Variants in MYH6 observed in about 807,000 individuals in gnomAD.
MYH6 encodes the protein myosin heavy chain 6, also known as myosin-6.
A neutral mutation model predicts 223.2 loss-of-function variants in MYH6; 126 were observed. The ratio of observed to expected loss-of-function variants is 0.56; its 90% CI spans 0.49 to 0.65. MYH6 has a LOEUF of 0.65. Among genes scored for constraint, MYH6 ranks in the 30% least tolerant of loss-of-function variants. MYH6 has a pLI of 0.00. For synonymous variants in MYH6, 978 were observed against 1,010.2 expected, an observed-to-expected ratio of 0.97 and a Z score of 0.61; for missense variants, 2,040 against 2,536.4, an observed-to-expected ratio of 0.80 and a Z score of 4.20.
Position 23,384,591 on chromosome 14 carries a change from C to T in MYH6, c.5416G>A (p.Ala1806Thr), listed in dbSNP as rs772439467. Residue 1806 changes from alanine to threonine, a missense_variant, in exon 36 of 39, where the codon GCC becomes ACC. Physicochemically the swap from Ala to Thr is moderately conservative, Grantham distance 58. Transcript: ENST00000405093. ...AGCTGCTTCTTGCCTCCCTTGAGGGCGATCTGCTCGGCCTCGTCCAGCCGG... is the reference window on the plus strand; with the variant it reads ...AGCTGCTTCTTGCCTCCCTTGAGGGTGATCTGCTCGGCCTCGTCCAGCCGG... ...QHRLDEAEQIALKGGKKQLQK... is the reference protein window; with the variant it reads ...QHRLDEAEQITLKGGKKQLQK... The T allele has an allele frequency of 1.9e-5, 30 of 1,613,638 alleles. 1 individual carries two copies. The highest frequency in any genetic ancestry group is 1.3e-4 in the African/African-American group (10 of 74,934).
chr14:23,385,868 C>T, intron 34 of MYH6, 60 bp downstream of exon 34: 1 of 1,612,738 alleles, frequency 6.2e-7, no homozygotes, highest in Non-Finnish European at 8.5e-7. Context: ...TCTGGCTTTT[C>T]TAGATGTCCT....
Position 23,392,849 on chromosome 14 carries a change from C to T in MYH6, c.3251+63G>A. On this transcript the variant is annotated intron_variant, in intron 24 of 38. Transcript: ENST00000405093. ...CTGTGGCCAGTGGAGGCGCAGCACCCTGCACTCTATCTACCAGGCCAGACA... is the reference window on the plus strand; with the variant it reads ...CTGTGGCCAGTGGAGGCGCAGCACCTTGCACTCTATCTACCAGGCCAGACA... The T allele has an allele frequency of 5.6e-6, 9 of 1,605,496 alleles. No individual in the cohort carries two copies. The Admixed American group carries it at 1.0e-4, about 18-fold the overall frequency.
At chr14:23,393,633 A>G in intron 22 of MYH6, 33 bp downstream of exon 22, 1 of 1,614,088 alleles carries the variant, frequency 6.2e-7, no homozygotes, top group South Asian at 1.1e-5. Context: ...TCTTGAGGAG[A>G]CCTGGGCTGA....
intron 27 of MYH6, 33 bp downstream of exon 27, chr14:23,389,560 G>A: frequency 6.2e-7 from 1 of 1,614,236 alleles, no homozygotes; most frequent in Non-Finnish European, 8.5e-7. Context: ...GTCATGTCCT[G>A]CCCTAGGCAG....
Position 23,407,599 on chromosome 14 carries a change from C to G in MYH6, c.-37G>C, listed in dbSNP as rs1438159439. The stretch of plus-strand genomic sequence containing the variant: ...ACCTGGTTATCCCTTCACGGAGAAT[C>G]CTGAAGAATCTGGACCGTGGGTGGA... On this transcript the variant is annotated 5_prime_UTR_variant, in exon 2 of 39. Transcript: ENST00000405093. This position sits in a 1 kb window ranked among gnomAD's most constrained non-coding sequence, Gnocchi z 5.6. 2 of 1,167,662 alleles carry G rather than the reference C, an allele frequency of 1.7e-6. No homozygotes were observed. Among genetic ancestry groups the G allele is most frequent in the African/African-American group, 1.6e-5 (1 of 62,684 alleles). The allele number at this position is 1,167,662 out of a possible 1,614,324, so 72.3% of individuals were successfully genotyped here.
At chr14:23,391,601 G>A (rs1313419374) in intron 25 of MYH6, among the ~76,000 whole-genome samples, 1 of 152,240 alleles carries the variant, frequency 6.6e-6, no homozygotes, top group Non-Finnish European at 1.5e-5. Context: ...CTCAAGTGCA[G>A]AGGGGAGACT....
rs559302150 is a variant in MYH6, at chr14:23,407,496, A to G, written c.-14+80T>C. 2 of 1,322,456 alleles carry G rather than the reference A, an allele frequency of 1.5e-6. No individual in the cohort carries two copies. The highest frequency in any genetic ancestry group is 1.5e-5 in the African/African-American group (1 of 67,394). 81.9% of individuals were successfully genotyped at this position (1,322,456 alleles called of 1,614,324 possible). A position where few individuals can be genotyped will look rare whatever the true frequency, so the allele number is the denominator to read the frequency against. On this transcript the variant is annotated intron_variant, in intron 2 of 38. Transcript: ENST00000405093. This position sits in a 1 kb window ranked among gnomAD's most constrained non-coding sequence, Gnocchi z 5.6. ...AGGGTTGGCGCTGAGTGCTTGGGAC[A>G]GCAGACCCCTGGTCCAGCAATCCGG... is the stretch of plus-strand genomic sequence containing the variant.
intron 24 of MYH6, 61 bp from the exon 25 acceptor site, chr14:23,392,713 T>C (rs1891271174): frequency 6.7e-7 from 1 of 1,483,126 alleles, no homozygotes; most frequent in Non-Finnish European, 9.4e-7. Flanking sequence ...TGGGGCTCAT[T>C]CTCTTCTTGG....
At chr14:23,388,593 C>T (rs1891118036) in intron 29 of MYH6, 1 of 853,866 alleles carries the variant, frequency 1.2e-6, no homozygotes, top group Admixed American at 1.7e-5. Flanking sequence ...ACGGTAGCTC[C>T]TCTGACCAAC....
intron 10 of MYH6, 98 bp downstream of exon 10, chr14:23,403,250 G>T: frequency 1.0e-6 from 1 of 999,890 alleles, no homozygotes; most frequent in Non-Finnish European, 1.6e-6. Flanking sequence ...CAGCAAGGTG[G>T]GGCACAGTGG....
chr14:23,395,702 A>AT (rs1291002538), intron 20 of MYH6, among the ~76,000 whole-genome samples: 3 of 151,736 alleles, frequency 2.0e-5, no homozygotes, highest in Non-Finnish European at 2.9e-5. Context: ...AATTTTTTGT[A>AT]TTTTTTTAGT....
At chr14:23,401,683 G>C (rs912656220) in intron 12 of MYH6, among the ~76,000 whole-genome samples, 8 of 152,212 alleles carry the variant, frequency 5.3e-5, no homozygotes, top group African/African-American at 1.9e-4. Context: ...CTCTACCCCA[G>C]TGTCTAGCCC....
In MYH6 at chr14:23,403,453, T is replaced by C; in HGVS notation, c.800-7A>G. The stretch of plus-strand genomic sequence containing the variant: ...CGGGACTTCTCCAGCAGGTCTGAGG[T>C]GGGTGGAGGGGAGGAAGGCAGGTGA... On this transcript the variant is annotated splice_polypyrimidine_tract_variant and splice_region_variant and intron_variant, in intron 9 of 38. Transcript: ENST00000405093. 6.2e-7 allele frequency: 1 copy of C among 1,610,396 alleles called. No individual in the cohort carries two copies. The highest frequency in any genetic ancestry group is 8.5e-7 in the Non-Finnish European group (1 of 1,177,778).
At position 23,397,611 on chromosome 14, in the gene MYH6, C is replaced by T. The variant is rs367607444; in HGVS notation, c.1894G>A (p.Asp632Asn). The T allele has an allele frequency of 3.7e-6, 6 of 1,613,990 alleles. No homozygotes were observed. Among genetic ancestry groups the T allele is most frequent in the South Asian group, 3.3e-5 (3 of 91,088 alleles). ...FSSYATADTGDSGKSKGGKKK... is the reference protein window; with the variant it reads ...FSSYATADTGNSGKSKGGKKK... ...TTGCCTCCTTTGCTTTTACCACTGT[C>T]CCCTAAACAGCGAGAGGAGAAATAA... The change falls in exon 16 of 39, where the codon GAC becomes AAC. Residue 632 changes from aspartate to asparagine, a missense_variant and splice_region_variant. By Grantham distance (23) the Asp-to-Asn change is conservative. Around this residue, in one of 4 missense-constraint regions of MYH6, gnomAD observed 649 missense variants for 877.3 expected, o/e 0.74. Coordinates refer to ENST00000405093, the MANE Select transcript of MYH6 (RefSeq NM_002471.4).
chr14:23,398,024 C>CTTCTTCTTT (rs1233804043), intron 15 of MYH6, among the ~76,000 whole-genome samples: 1 of 99,716 alleles, frequency 1.0e-5, no homozygotes, highest in African/African-American at 3.7e-5. Context: ...TCTTCTTCTT[C>CTTCTTCTTT]CTTCTATTTT....
intron 24 of MYH6, 35 bp downstream of exon 24, chr14:23,392,877 T>A (rs1306662138): frequency 6.2e-7 from 1 of 1,611,354 alleles, no homozygotes; most frequent in African/African-American, 1.3e-5. Context: ...GCCAGACACC[T>A]CCATTAGCCC....
At position 23,388,996 on chromosome 14, in the gene MYH6, C is replaced by T; in HGVS notation, c.4038G>A (p.Arg1346=). 1.2e-6 allele frequency: 2 copies of T among 1,613,780 alleles called. No individual in the cohort carries two copies. ...QSARHDCDLL[R]EQYEEETEAK... ...CCTCTGTCTCCTCCTCGTACTGCTC[C>T]CGCAGCAGGTCGCAGTCATGCCGGG... The change falls in exon 29 of 39, where the codon CGG becomes CGA. Residue 1346 remains arginine, a synonymous_variant. Coordinates refer to ENST00000405093, the MANE Select transcript of MYH6 (RefSeq NM_002471.4).
intron 25 of MYH6, 21 bp downstream of exon 25, chr14:23,392,541 T>A: frequency 6.4e-7 from 1 of 1,565,516 alleles, no homozygotes; most frequent in African/African-American, 1.4e-5. Context: ...CCCACTTTCA[T>A]GCACTGGGAA....
intron 26 of MYH6, 95 bp downstream of exon 26, chr14:23,389,962 G>C (rs941496856): frequency 1.2e-6 from 2 of 1,609,354 alleles, no homozygotes; most frequent in African/African-American, 2.7e-5. Flanking sequence ...TGAAGAGAAT[G>C]AGAATGACAA....
Sources: gnomAD v4.1 joint callset for allele counts (sites outside exome capture counted in the v4.1 genomes callset) on GRCh38, gnomAD v4.1.1 for gene constraint, gnomAD v4.1.1 regional missense constraint, Gnocchi (gnomAD v3.1) non-coding constraint, MANE v1.5 for transcripts, NCBI Gene and HGNC (gene_info 2026-07-23, HGNC 2026-07-21) for gene names.